ARSG: variants seen among roughly 807,000 people sequenced by gnomAD.
ARSG encodes the protein ASG.
A neutral mutation model predicts 50.5 loss-of-function variants in ARSG; 37 were observed. That is an observed-to-expected ratio of 0.73 (90% CI 0.56 to 0.96). The LOEUF is 0.96. Ranked by LOEUF, ARSG falls within the 50% of genes least tolerant of loss-of-function variation. The probability of loss-of-function intolerance (pLI) is 0.00; values close to 1 mark genes in which losing one functional copy is unlikely to be tolerated. For synonymous variants in ARSG, 225 were observed against 254.6 expected (o/e 0.88, Z 1.11); for missense variants, 629 against 675.3 (o/e 0.93, Z 0.76).
chr17:68,364,414 C>T (rs944248488), intron 6 of ARSG, among the ~76,000 whole-genome samples: 1 of 152,136 alleles, frequency 6.6e-6, no homozygotes, highest in Non-Finnish European at 1.5e-5. Flanking sequence ...TGCTCTGTTG[C>T]CTAGGCTGGA....
chr17:68,345,778 T>G (rs1476281632), intron 3 of ARSG, among the ~76,000 whole-genome samples: 2 of 152,224 alleles, frequency 1.3e-5, no homozygotes, highest in Non-Finnish European at 2.9e-5. Context: ...GTATAATTTT[T>G]ATGATTAAAC....
At chr17:68,428,883 A>G in the ARSG span, 1 of 1,614,208 alleles carries the variant, frequency 6.2e-7, no homozygotes, top group African/African-American at 1.3e-5. Flanking sequence ...CAAATTGTAC[A>G]TATAAAGGTG....
rs182923392 is a variant in ARSG at position 68,373,490 on chromosome 17, A to T, written c.982+2966A>T. Among the ~76,000 whole-genome samples, 298 of 152,176 alleles carry T rather than the reference A, an allele frequency of 2.0e-3. 5 individuals are homozygous for T. The highest frequency in any genetic ancestry group is 0.018 in the Admixed American group (268 of 15,282). On this transcript the variant is annotated intron_variant, in intron 8 of 11. Transcript: ENST00000621439. ...GTGATCCACCCATCTTGGCCTTCCAAAGTGCTGGGATTACAGGCGTGAGCC... is the reference window on the plus strand; with the variant it reads ...GTGATCCACCCATCTTGGCCTTCCATAGTGCTGGGATTACAGGCGTGAGCC...
At chr17:68,380,585 C>T (rs374090107) in intron 8 of ARSG, among the ~76,000 whole-genome samples, 1 of 152,140 alleles carries the variant, frequency 6.6e-6, no homozygotes, top group Admixed American at 6.6e-5. Flanking sequence ...TTCTTACTAA[C>T]ATTTTCTTTT....
downstream of ARSG, among the ~76,000 whole-genome samples, chr17:68,425,051 G>C (rs968752678): frequency 5.3e-5 from 8 of 152,216 alleles, no homozygotes; most frequent in Admixed American, 3.3e-4. Context: ...CTTGTCTTCA[G>C]TTCCAGGTGA....
chr17:68,403,431 A>G (rs1056869329), intron 11 of ARSG, among the ~76,000 whole-genome samples: 13 of 152,238 alleles, frequency 8.5e-5, no homozygotes, highest in Non-Finnish European at 1.8e-4. Flanking sequence ...GGTAGGGAGC[A>G]CTGAACTTTT....
intron 2 of ARSG, among the ~76,000 whole-genome samples, chr17:68,309,477 A>G (rs2076758495): frequency 6.6e-6 from 1 of 152,230 alleles, no homozygotes; most frequent in African/African-American, 2.4e-5. Flanking sequence ...TCTCAGGAGG[A>G]TCACTGGAGC....
intron 2 of ARSG, among the ~76,000 whole-genome samples, chr17:68,315,606 T>C (rs1211770375): frequency 1.3e-5 from 2 of 151,942 alleles, no homozygotes; most frequent in Non-Finnish European, 2.9e-5. Flanking sequence ...TGTCCAAGCA[T>C]AAGAGGCAAC....
intron 2 of ARSG, among the ~76,000 whole-genome samples, chr17:68,319,542 T>G (rs1386392294): frequency 8.5e-5 from 13 of 152,222 alleles, no homozygotes; most frequent in Admixed American, 7.9e-4. Context: ...GAAAAGGAAC[T>G]GAAATATTAA....
intron 6 of ARSG, among the ~76,000 whole-genome samples, chr17:68,363,940 C>T (rs892751559): frequency 6.6e-6 from 1 of 152,172 alleles, no homozygotes; most frequent in African/African-American, 2.4e-5. Context: ...CAGGGAGCCA[C>T]CACCAGAGAG....
At chr17:68,294,934 A>G (rs1379687602) in intron 1 of ARSG, among the ~76,000 whole-genome samples, 3 of 152,164 alleles carry the variant, frequency 2.0e-5, no homozygotes, top group Non-Finnish European at 4.4e-5. Flanking sequence ...AGATTTGCCA[A>G]GGGGTTCTGA....
intron 11 of ARSG, among the ~76,000 whole-genome samples, 159 bp downstream of exon 11, chr17:68,401,609 C>T (rs978198192): frequency 6.6e-6 from 1 of 152,196 alleles, no homozygotes; most frequent in Non-Finnish European, 1.5e-5. Context: ...AGGGTCCCTG[C>T]ACAGGCTCTC....
intron 1 of ARSG, among the ~76,000 whole-genome samples, chr17:68,301,132 A>G (rs1259394127): frequency 6.6e-6 from 1 of 151,690 alleles, no homozygotes; most frequent in African/African-American, 2.4e-5. Flanking sequence ...AAAAAAAAAA[A>G]GCATTTTAAT....
intron 1 of ARSG, among the ~76,000 whole-genome samples, chr17:68,305,808 T>C (rs1267193292): frequency 6.6e-6 from 1 of 152,050 alleles, no homozygotes; most frequent in Non-Finnish European, 1.5e-5. Context: ...GTGTGGTGGC[T>C]CACACCTGTA....
intron 2 of ARSG, among the ~76,000 whole-genome samples, chr17:68,309,768 A>C (rs2076772951): frequency 6.6e-6 from 1 of 151,692 alleles, no homozygotes; most frequent in Non-Finnish European, 1.5e-5. Context: ...CTGAGGCAGG[A>C]GAATCACTTG....
downstream of ARSG, chr17:68,421,416 A>C (rs75336790): frequency 0.016 from 4,146 of 254,874 alleles, 160 homozygotes; most frequent in African/African-American, 0.083. Context: ...CAAGAAATAC[A>C]ATTCAAAGAG....
chr17:68,427,167 C>G, downstream of ARSG: 2 of 1,614,150 alleles, frequency 1.2e-6, no homozygotes, highest in Non-Finnish European at 1.7e-6. Flanking sequence ...TGCACTTGGT[C>G]TGGCTACGGT....
downstream of ARSG, chr17:68,421,693 A>G: frequency 1.9e-6 from 3 of 1,595,270 alleles, no homozygotes; most frequent in Non-Finnish European, 2.6e-6. Context: ...ACACAATTGC[A>G]CTCCATTCTT....
At chr17:68,439,072 T>C in the ARSG span, among the ~76,000 whole-genome samples, 2 of 152,232 alleles carry the variant, frequency 1.3e-5, no homozygotes, top group Non-Finnish European at 2.9e-5. Context: ...CTGGAACGTT[T>C]AGCAGTTCTT....
Sources: gnomAD v4.1 joint callset for allele counts (sites outside exome capture counted in the v4.1 genomes callset) on GRCh38, gnomAD v4.1.1 for gene constraint, MANE v1.5 for transcripts, NCBI Gene and HGNC (gene_info 2026-07-23, HGNC 2026-07-21) for gene names.